Variants in EXOC4 observed in about 807,000 individuals in gnomAD.
The protein encoded by EXOC4 is SEC8-like 1.
A neutral mutation model predicts 107.2 loss-of-function variants in EXOC4; 71 were observed. The ratio of observed to expected loss-of-function variants is 0.66; its 90% confidence interval spans 0.55 to 0.81. The LOEUF (loss-of-function observed/expected upper bound fraction) is 0.81, where lower values mean the gene tolerates loss of function less well. EXOC4 is among the 30% of genes least tolerant of loss of function. The pLI, the probability that EXOC4 is intolerant of heterozygous loss-of-function variation, is 0.00. For missense variants in EXOC4, 1,108 were observed against 1,189.6 expected (o/e 0.93, Z 1.01); for synonymous variants, 456 against 441.2 (o/e 1.03, Z -0.42).
At chr7:133,423,650 G>A (rs965714889) in intron 7 of EXOC4, among the ~76,000 whole-genome samples, 6 of 152,214 alleles carry the variant, frequency 3.9e-5, no homozygotes, top group Non-Finnish European at 7.3e-5. Context: ...GCCCTCGGTC[G>A]CTCTCTGTGC....
rs1314239369 is a variant in EXOC4 at position 134,030,463 on chromosome 7, C to T, written c.2687+22628C>T. Among the ~76,000 whole-genome samples, 7 of 152,248 alleles carry T rather than the reference C, an allele frequency of 4.6e-5. No individual in the cohort carries two copies. The Middle Eastern group carries it at 0.01, about 222-fold the overall frequency. ...GTCTGTCCTGCAGACTCTGGCCAAG[C>T]GACAGATGGAAGAAGTTCACTGGCA... On this transcript the variant is annotated intron_variant, in intron 17 of 17. Coordinates refer to ENST00000253861, the MANE Select transcript of EXOC4 (RefSeq NM_021807.4).
intron 15 of EXOC4, among the ~76,000 whole-genome samples, chr7:133,998,044 A>G (rs1240861938): frequency 1.3e-5 from 2 of 152,222 alleles, no homozygotes; most frequent in Non-Finnish European, 2.9e-5. Context: ...TAGCTTTGCT[A>G]TTGTGGTGAC....
intron 9 of EXOC4, among the ~76,000 whole-genome samples, chr7:133,619,394 T>A (rs547706772): frequency 1.1e-4 from 17 of 152,200 alleles, no homozygotes; most frequent in Non-Finnish European, 2.4e-4. Context: ...ACAACACTAT[T>A]TCTTCTATAT....
At chr7:133,671,401 TA>T (rs1410192037) in intron 10 of EXOC4, among the ~76,000 whole-genome samples, 1 of 151,826 alleles carries the variant, frequency 6.6e-6, no homozygotes, top group African/African-American at 2.4e-5. Context: ...CCATCTCTAC[TA>T]AAAAATACAA....
At chr7:133,431,590 C>G (rs1191706817) in intron 7 of EXOC4, among the ~76,000 whole-genome samples, 3 of 152,164 alleles carry the variant, frequency 2.0e-5, no homozygotes, top group African/African-American at 7.2e-5. Context: ...TCCATTTTAT[C>G]AGCCTTTCCT....
chr7:133,447,961 A>T (rs966512360), intron 7 of EXOC4, among the ~76,000 whole-genome samples: 3 of 152,218 alleles, frequency 2.0e-5, no homozygotes, highest in African/African-American at 7.2e-5. Flanking sequence ...AGAGAGAAAG[A>T]TGTACTTTTT....
chr7:133,295,892 CTG>C (rs1794508845), intron 3 of EXOC4, among the ~76,000 whole-genome samples: 1 of 152,094 alleles, frequency 6.6e-6, no homozygotes, highest in Admixed American at 6.6e-5. Flanking sequence ...TGTGAAAGCT[CTG>C]TAGATAACAG....
chr7:134,047,908 G>A lies in EXOC4; in HGVS notation c.2688-16383G>A, dbSNP rs560167570. Among the ~76,000 whole-genome samples the A allele has an allele frequency of 5.8e-4, 89 of 152,292 alleles. 1 individual carries two copies. The highest frequency in any genetic ancestry group is 2.1e-3 in the African/African-American group (87 of 41,578). On this transcript the variant is annotated intron_variant, in intron 17 of 17. Transcript: ENST00000253861. ...GGTAAAGAAAGAGTTTAATTGATGC[G>A]AGGCTGGCCATGCCACACAGTAGAT...
intron 10 of EXOC4, among the ~76,000 whole-genome samples, chr7:133,666,835 C>T (rs773148013): frequency 2.6e-5 from 4 of 152,088 alleles, no homozygotes; most frequent in Non-Finnish European, 5.9e-5. Context: ...AAGATTTTTT[C>T]CTTCTTCAAC....
chr7:133,339,873 T>G (rs1042008766), intron 5 of EXOC4, among the ~76,000 whole-genome samples: 9 of 152,208 alleles, frequency 5.9e-5, no homozygotes, highest in Non-Finnish European at 8.8e-5. Context: ...ACTCTGAAAC[T>G]TCACTGAATT....
At chr7:133,800,099 C>A (rs1195330017) in intron 10 of EXOC4, among the ~76,000 whole-genome samples, 1 of 124,942 alleles carries the variant, frequency 8.0e-6, no homozygotes, top group Non-Finnish European at 1.6e-5. Flanking sequence ...TACTTACAGT[C>A]AAACATATCA....
intron 7 of EXOC4, among the ~76,000 whole-genome samples, chr7:133,429,708 G>A (rs1234890383): frequency 2.6e-5 from 4 of 152,228 alleles, no homozygotes; most frequent in Admixed American, 2.0e-4. Context: ...CATACAGTAT[G>A]TGGCCTTTCT....
Position 134,064,662 on chromosome 7 carries a change from T to G in EXOC4, c.*134T>G. The G allele has an allele frequency of 1.7e-6, 1 of 591,884 alleles. No homozygotes were observed. The highest frequency in any genetic ancestry group is 3.1e-5 in the South Asian group (1 of 32,710). The allele number at this position is 591,884 out of a possible 1,614,324, so 36.7% of individuals were successfully genotyped here. ...AGTGGAGAGGAGGTGTAAGGATTCT[T>G]TCTCTCTGGTTTTGGCTTTTCATAT... On this transcript the variant is annotated 3_prime_UTR_variant, in exon 18 of 18. Transcript: ENST00000253861.
intron 7 of EXOC4, among the ~76,000 whole-genome samples, chr7:133,466,413 T>A (rs1406502968): frequency 6.6e-6 from 1 of 151,972 alleles, no homozygotes; most frequent in Admixed American, 6.6e-5. Context: ...CTACAGAAAT[T>A]AAAAGGATTC....
intron 10 of EXOC4, among the ~76,000 whole-genome samples, chr7:133,651,867 T>C (rs1323442575): frequency 1.3e-5 from 2 of 152,036 alleles, no homozygotes; most frequent in Admixed American, 1.3e-4. Context: ...GTATTTTTAG[T>C]AGAGATGGGG....
chr7:133,693,331 C>G (rs367924302), intron 10 of EXOC4, among the ~76,000 whole-genome samples: 1 of 152,094 alleles, frequency 6.6e-6, no homozygotes. Context: ...GGATGTAGGC[C>G]GGAAGACTCA....
chr7:133,256,002 C>G (rs1795008840), intron 1 of EXOC4, among the ~76,000 whole-genome samples: 1 of 146,632 alleles, frequency 6.8e-6, no homozygotes, highest in African/African-American at 2.5e-5. Flanking sequence ...GAGACGTAGT[C>G]CTGGAGTCTC....
At chr7:133,987,584 A>G (rs867432279) in intron 14 of EXOC4, among the ~76,000 whole-genome samples, 14 of 152,132 alleles carry the variant, frequency 9.2e-5, no homozygotes, top group Admixed American at 2.6e-4. Context: ...TACAAATAGG[A>G]AGAGGATTTG....
chr7:134,031,204 A>T (rs1278252740), intron 17 of EXOC4, among the ~76,000 whole-genome samples: 1 of 152,210 alleles, frequency 6.6e-6, no homozygotes, highest in Non-Finnish European at 1.5e-5. Context: ...TCCTGGTTGT[A>T]TATATCTGTA....
Sources: allele counts gnomAD v4.1 joint callset (sites outside exome capture counted in the v4.1 genomes callset), GRCh38; gene constraint gnomAD v4.1.1; transcripts MANE v1.5; gene names NCBI Gene and HGNC (gene_info 2026-07-23, HGNC 2026-07-21).